Variants in PRKD3 observed in about 807,000 individuals in gnomAD.
The protein encoded by PRKD3 is serine/threonine-protein kinase D3.
A neutral mutation model predicts 99.2 loss-of-function variants in PRKD3; 47 were observed. The observed-to-expected ratio is 0.47, with a 90% confidence interval of 0.38 to 0.60. PRKD3 has a LOEUF of 0.60. Among genes scored for constraint, PRKD3 ranks in the 20% least tolerant of loss-of-function variants. PRKD3 has a pLI of 0.00. For missense variants in PRKD3, 1,019 were observed against 1,088.4 expected (o/e 0.94, Z 0.90); for synonymous variants, 392 against 355.4 (o/e 1.10, Z -1.16).
chr2:37,320,897 G>C lies in PRKD3; in HGVS notation c.-655-3718C>G, dbSNP rs73928007. On this transcript the variant is annotated intron_variant, in intron 1 of 18. Coordinates refer to ENST00000234179, the MANE Select transcript of PRKD3 (RefSeq NM_005813.6). The stretch of plus-strand genomic sequence containing the variant: ...ATAAAAATGATTTTTAAAAGTCTCA[G>C]TATTAACACAAATAGAAGAAACCTA... 3.2e-4 allele frequency among the ~76,000 whole-genome samples: 49 copies of C among 152,058 alleles called. 1 individual carries two copies. Among genetic ancestry groups the C allele is most frequent in the African/African-American group, 1.2e-3 (49 of 41,386 alleles).
intron 7 of PRKD3, among the ~76,000 whole-genome samples, chr2:37,280,791 T>C (rs1298445059): frequency 1.3e-5 from 2 of 152,170 alleles, no homozygotes; most frequent in Admixed American, 1.3e-4. Flanking sequence ...ACTTCTGTGC[T>C]ACAAACAACA....
chr2:37,272,491 CAT>C (rs1161776522), intron 11 of PRKD3, 59 bp from the exon 12 acceptor site: 56 of 1,540,040 alleles, frequency 3.6e-5, no homozygotes, highest in Middle Eastern at 2.0e-4. Flanking sequence ...TCTTTACTGA[CAT>C]GTGAATGCTC....
At chr2:37,280,047 T>G in intron 7 of PRKD3, 118 bp from the exon 8 acceptor site, 1 of 673,512 alleles carries the variant, frequency 1.5e-6, no homozygotes, top group Admixed American at 3.7e-5. Flanking sequence ...TTAAGTAAAG[T>G]ATTTCTCTTT....
At chr2:37,324,446 C>G (rs1485949737) in intron 1 of PRKD3, 3 of 151,938 alleles carry the variant, frequency 2.0e-5, no homozygotes, top group Admixed American at 1.3e-4. Flanking sequence ...AGCCGCCCAC[C>G]TCCCGCCGCG....
At position 37,279,977 on chromosome 2, in the gene PRKD3, G is replaced by A. The variant is rs761574911; in HGVS notation, c.989-48C>T. ...TCAGAGTTTTATATTAATAGAGGAA[G>A]TCCATTAAATGTGAAAAAAGTCTTA... On this transcript the variant is annotated intron_variant, in intron 7 of 18. Coordinates refer to ENST00000234179, the MANE Select transcript of PRKD3 (RefSeq NM_005813.6). The A allele has an allele frequency of 1.4e-5, 18 of 1,313,210 alleles. No individual in the cohort carries two copies. In the South Asian group the frequency reaches 1.5e-4, roughly 11 times the overall value. 81.3% of individuals were successfully genotyped at this position (1,313,210 alleles called of 1,614,324 possible). A position where few individuals can be genotyped will look rare whatever the true frequency, so the allele number is the denominator to read the frequency against.
intron 1 of PRKD3, chr2:37,317,818 T>C (rs1212186368): frequency 6.6e-6 from 1 of 152,204 alleles, no homozygotes; most frequent in Admixed American, 6.5e-5. Context: ...AGGTCCTAAC[T>C]AGGCCCAACA....
In PRKD3 at chr2:37,324,009, C is replaced by T. The variant is rs557608347; in HGVS notation, c.-656+672G>A. 5.9e-5 allele frequency among the ~76,000 whole-genome samples: 9 copies of T among 152,284 alleles called. No homozygotes were observed. The East Asian group carries it at 1.5e-3, about 26-fold the overall frequency. The stretch of plus-strand genomic sequence containing the variant: ...GACTGCGTTCACCTGAAATAAAATA[C>T]CCAACCGGCAATACAGTAGTATATG... On this transcript the variant is annotated intron_variant, in intron 1 of 18. Coordinates refer to ENST00000234179, the MANE Select transcript of PRKD3 (RefSeq NM_005813.6).
intron 3 of PRKD3, among the ~76,000 whole-genome samples, chr2:37,291,329 A>G (rs1221932484): frequency 6.6e-6 from 1 of 152,258 alleles, no homozygotes; most frequent in East Asian, 1.9e-4. Context: ...GAAATAGAAC[A>G]CTAAAGTAAA....
chr2:37,276,734 CTT>C, intron 9 of PRKD3, among the ~76,000 whole-genome samples: 1 of 151,252 alleles, frequency 6.6e-6, no homozygotes, highest in East Asian at 1.9e-4. Context: ...ACACTCAAAT[CTT>C]TGATACATTT....
Position 37,295,159 on chromosome 2 carries a change from G to T in PRKD3, c.289-1888C>A, listed in dbSNP as rs568524477. Among the ~76,000 whole-genome samples the T allele has an allele frequency of 2.3e-3, 348 of 152,252 alleles. 2 individuals carry two copies. In the Middle Eastern group the frequency reaches 0.041, roughly 18 times the overall value. ...AAAAGGCATACTTCTTGCATGTCCGGTAAGTGCAAGATACTGGCCCCACAG... is the reference window on the plus strand; with the variant it reads ...AAAAGGCATACTTCTTGCATGTCCGTTAAGTGCAAGATACTGGCCCCACAG... On this transcript the variant is annotated intron_variant, in intron 2 of 18. Coordinates refer to ENST00000234179, the MANE Select transcript of PRKD3 (RefSeq NM_005813.6).
rs987021210 is a variant in PRKD3, at chr2:37,250,717, A to G, written c.*2460T>C. 1 of 152,290 alleles carries G rather than the reference A, an allele frequency of 6.6e-6. No homozygotes were observed. Among genetic ancestry groups the G allele is most frequent in the Non-Finnish European group, 1.5e-5 (1 of 68,024 alleles). 9.4% of individuals were successfully genotyped at this position (152,290 alleles called of 1,614,324 possible). On this transcript the variant is annotated 3_prime_UTR_variant, in exon 19 of 19. Transcript: ENST00000234179. ...TTTTCACATGGAAAAGTATGGTGAT[A>G]GGAAATACATTTTATTATCAAGCTT...
In PRKD3 at chr2:37,316,667, A is replaced by T. The variant is rs1198791733; in HGVS notation, c.-143T>A. On this transcript the variant is annotated 5_prime_UTR_variant, in exon 2 of 19. An upstream start codon of the reference 5' UTR is lost. Coordinates refer to ENST00000234179, the MANE Select transcript of PRKD3 (RefSeq NM_005813.6). ...CTTTATTTCCTCTGTTAAGCCACTC[A>T]TGCCGATACTTTTAAGTTTTATCAA... 6.9e-7 allele frequency: 1 copy of T among 1,442,846 alleles called. No individual in the cohort carries two copies. The highest frequency in any genetic ancestry group is 9.0e-7 in the Non-Finnish European group (1 of 1,105,636). The allele number at this position is 1,442,846 out of a possible 1,614,324, so 89.4% of individuals were successfully genotyped here.
At chr2:37,320,836 A>G (rs1442341111) in intron 1 of PRKD3, among the ~76,000 whole-genome samples, 1 of 152,218 alleles carries the variant, frequency 6.6e-6, no homozygotes, top group African/African-American at 2.4e-5. Flanking sequence ...CTAATTTATC[A>G]GAACAAATTA....
rs1247410971 is a variant in PRKD3 at position 37,324,778 on chromosome 2, C to G, written c.-753G>C. On this transcript the variant is annotated 5_prime_UTR_variant, in exon 1 of 19. Coordinates refer to ENST00000234179, the MANE Select transcript of PRKD3 (RefSeq NM_005813.6). ...CTTCACGCGCCTCGCAGGATCCCGC[C>G]CGCCTCCGGCGCCCCTTCCTCCCTC... 6.6e-6 allele frequency: 1 copy of G among 151,064 alleles called. No homozygotes were observed. The highest frequency in any genetic ancestry group is 1.5e-5 in the Non-Finnish European group (1 of 67,588). 9.4% of individuals were successfully genotyped at this position (151,064 alleles called of 1,614,324 possible). A position where few individuals can be genotyped will look rare whatever the true frequency, so the allele number is the denominator to read the frequency against.
chr2:37,252,471 G>C lies in PRKD3; in HGVS notation c.*706C>G, dbSNP rs1460988045. On this transcript the variant is annotated 3_prime_UTR_variant, in exon 19 of 19. Coordinates refer to ENST00000234179, the MANE Select transcript of PRKD3 (RefSeq NM_005813.6). ...ACATCATTTGTCCCTAATTATCTTA[G>C]AAGCTGTTGCAACACACAGAAGGTG... 2.0e-5 allele frequency: 3 copies of C among 152,136 alleles called. No homozygotes were observed. The highest frequency in any genetic ancestry group is 2.9e-5 in the Non-Finnish European group (2 of 68,026). 9.4% of individuals were successfully genotyped at this position (152,136 alleles called of 1,614,324 possible).
chr2:37,291,024 T>A, intron 3 of PRKD3, 25 bp from the exon 4 acceptor site: 1 of 1,580,230 alleles, frequency 6.3e-7, no homozygotes, highest in Non-Finnish European at 8.6e-7. Flanking sequence ...AGTATTACAA[T>A]ACACGTTGTA....
At chr2:37,254,624 C>T (rs1667788442) in intron 17 of PRKD3, among the ~76,000 whole-genome samples, 2 of 152,138 alleles carry the variant, frequency 1.3e-5, no homozygotes, top group South Asian at 4.1e-4. Flanking sequence ...CCTCAGTTTC[C>T]TCATGAAGTT....
At chr2:37,305,423 T>C (rs1671113725) in intron 2 of PRKD3, among the ~76,000 whole-genome samples, 1 of 152,248 alleles carries the variant, frequency 6.6e-6, no homozygotes, top group Non-Finnish European at 1.5e-5. Flanking sequence ...TGTCTACCAA[T>C]TCCTTTCTCA....
intron 3 of PRKD3, 96 bp from the exon 4 acceptor site, chr2:37,291,095 C>G: frequency 8.5e-7 from 1 of 1,169,970 alleles, no homozygotes; most frequent in Middle Eastern, 2.4e-4. Flanking sequence ...TACACAGAAT[C>G]ATTTTTTCTC....
Sources: allele counts gnomAD v4.1 joint callset (sites outside exome capture counted in the v4.1 genomes callset), GRCh38; gene constraint gnomAD v4.1.1; transcripts MANE v1.5; gene names NCBI Gene and HGNC (gene_info 2026-07-23, HGNC 2026-07-21).